The following MTUS1 variants were observed in gnomAD, a reference collection of about 807,000 sequenced individuals.
MTUS1 encodes the protein microtubule-associated tumor suppressor 1.
MTUS1 carries 109 observed loss-of-function variants against 120.8 expected under a neutral mutation model. The ratio of observed to expected loss-of-function variants is 0.90; its 90% CI spans 0.77 to 1.06. The LOEUF is 1.06. Among genes scored for constraint, MTUS1 ranks in the 50% least tolerant of loss-of-function variants. The pLI is 0.00. For synonymous variants in MTUS1, 737 were observed against 550.5 expected, an observed-to-expected ratio of 1.34 and a Z score of -4.74; for missense variants, 2,210 against 1,486.3, an observed-to-expected ratio of 1.49 and a Z score of -8.01.
intron 6 of MTUS1, among the ~76,000 whole-genome samples, chr8:17,691,153 AATTT>A (rs1313605255): frequency 1.3e-5 from 2 of 152,182 alleles, no homozygotes; most frequent in African/African-American, 4.8e-5. Flanking sequence ...TCTAAACCGT[AATTT>A]ATTACTTACT....
intron 1 of MTUS1, among the ~76,000 whole-genome samples, chr8:17,766,079 C>G (rs7461249): frequency 0.98 from 148,558 of 152,324 alleles, 72,551 homozygotes; most frequent in East Asian, 1. Context: ...GCTTAATTGT[C>G]ACTTTAGAGG....
At chr8:17,779,117 C>T (rs940320004) in intron 1 of MTUS1, among the ~76,000 whole-genome samples, 4 of 152,110 alleles carry the variant, frequency 2.6e-5, no homozygotes, top group Admixed American at 2.6e-4. Context: ...CAAGCTTAGA[C>T]CCCAGGAATA....
chr8:17,787,470 TC>T (rs1195651522), intron 1 of MTUS1, among the ~76,000 whole-genome samples: 2 of 152,232 alleles, frequency 1.3e-5, no homozygotes, highest in Non-Finnish European at 2.9e-5. Context: ...TTGATCTATT[TC>T]CACCTTCCTT....
intron 6 of MTUS1, among the ~76,000 whole-genome samples, chr8:17,695,660 T>C (rs1419224373): frequency 6.6e-6 from 1 of 152,190 alleles, no homozygotes; most frequent in Non-Finnish European, 1.5e-5. Context: ...ACTGGTTAAG[T>C]AAATCATGAC....
rs746688476 is a variant in MTUS1, at chr8:17,754,522, G to A, written c.1286C>T (p.Ser429Leu). ...VISTDKTMCMSTPVLEPTKVT... is the reference protein window; with the variant it reads ...VISTDKTMCMLTPVLEPTKVT... ...TTTTGTGGGTTCTAGGACTGGTGTT[G>A]ACATGCACATCGTTTTGTCTGTGCT... Residue 429 changes from serine to leucine, a missense_variant, in exon 2 of 15, where the codon TCA becomes TTA. By Grantham distance (145) the Ser-to-Leu change is moderately radical (BLOSUM62 -2). Coordinates refer to ENST00000693296, the MANE Select transcript of MTUS1 (RefSeq NM_001363059.2). 4 of 1,614,086 alleles carry A rather than the reference G, an allele frequency of 2.5e-6. No homozygotes were observed. The highest frequency in any genetic ancestry group is 2.2e-5 in the East Asian group (1 of 44,890).
chr8:17,661,788 C>T (rs766044167), intron 8 of MTUS1, among the ~76,000 whole-genome samples: 1 of 152,134 alleles, frequency 6.6e-6, no homozygotes, highest in Admixed American at 6.5e-5. Context: ...TCCAAAGCAG[C>T]AGGCCCAGCC....
intron 8 of MTUS1, among the ~76,000 whole-genome samples, chr8:17,665,940 C>T (rs1810805061): frequency 6.6e-6 from 1 of 152,146 alleles, no homozygotes; most frequent in South Asian, 2.1e-4. Context: ...TCTTCCATCT[C>T]CATCTTGGTG....
At chr8:17,662,387 G>A (rs747004337) in intron 8 of MTUS1, among the ~76,000 whole-genome samples, 15 of 122,058 alleles carry the variant, frequency 1.2e-4, no homozygotes, top group East Asian at 2.3e-4. Context: ...ATAGAGTCTC[G>A]CACTGTCACC....
chr8:17,658,591 G>A lies in MTUS1; in HGVS notation c.2906-2526C>T, dbSNP rs934268630. ...TGTCCACATCCCCAGAGTACTCGTGGATTAATACGACAGGGTTGCTGGCAA... is the reference window on the plus strand; with the variant it reads ...TGTCCACATCCCCAGAGTACTCGTGAATTAATACGACAGGGTTGCTGGCAA... On this transcript the variant is annotated intron_variant, in intron 8 of 14. Transcript: ENST00000693296. Among the ~76,000 whole-genome samples, 19 of 152,168 alleles carry A rather than the reference G, an allele frequency of 1.2e-4. No homozygotes were observed. In the East Asian group the frequency reaches 1.5e-3, roughly 12 times the overall value.
At chr8:17,657,288 A>G (rs4921800) in intron 8 of MTUS1, among the ~76,000 whole-genome samples, 114,275 of 151,496 alleles carry the variant, frequency 0.75, 43,175 homozygotes, top group Middle Eastern at 0.87. Flanking sequence ...AGAAGCTGAG[A>G]CCGGGCGCGG....
intron 3 of MTUS1, among the ~76,000 whole-genome samples, chr8:17,729,107 G>C (rs1295823309): frequency 6.6e-6 from 1 of 152,160 alleles, no homozygotes; most frequent in Non-Finnish European, 1.5e-5. Flanking sequence ...CAGAGAATAT[G>C]TCTGTAGCTA....
chr8:17,724,253 GAAAT>G, intron 3 of MTUS1: 1 of 303,380 alleles, frequency 3.3e-6, no homozygotes, highest in Non-Finnish European at 6.4e-6. Flanking sequence ...TATCATATAA[GAAAT>G]AAATAAGAAC....
chr8:17,684,959 C>G (rs905499710), intron 6 of MTUS1, among the ~76,000 whole-genome samples: 2 of 152,110 alleles, frequency 1.3e-5, no homozygotes, highest in African/African-American at 4.8e-5. Context: ...AAATTAAATG[C>G]CTTTCTCTCC....
intron 8 of MTUS1, among the ~76,000 whole-genome samples, chr8:17,664,403 A>G: frequency 6.6e-6 from 1 of 151,372 alleles, no homozygotes; most frequent in East Asian, 1.9e-4. Context: ...CTGCACACAT[A>G]CTCCTTTCCC....
chr8:17,721,964 C>G, intron 4 of MTUS1: 1 of 1,491,666 alleles, frequency 6.7e-7, no homozygotes, highest in South Asian at 1.5e-5. Flanking sequence ...TCATATCCCT[C>G]ATGCTTGCTC....
chr8:17,741,690 G>A (rs912382433), intron 3 of MTUS1, among the ~76,000 whole-genome samples: 14 of 152,242 alleles, frequency 9.2e-5, no homozygotes, highest in African/African-American at 3.4e-4. Context: ...AATGTATCCT[G>A]GGTACTGGCC....
chr8:17,784,904 C>T (rs993157118), intron 1 of MTUS1, among the ~76,000 whole-genome samples: 1 of 152,048 alleles, frequency 6.6e-6, no homozygotes, highest in Non-Finnish European at 1.5e-5. Flanking sequence ...CGGGCCTCAG[C>T]TGCCTGAGTA....
Position 17,715,802 on chromosome 8 carries a change from C to G in MTUS1, c.2549G>C (p.Arg850Thr). Residue 850 changes from arginine (R) to threonine (T), a missense_variant, in exon 5 of 15, where the codon AGG becomes ACG. Coordinates refer to ENST00000693296, the MANE Select transcript of MTUS1 (RefSeq NM_001363059.2). ...AGTTTTCATCAAGTGAACATGAGCCCTGGATACCAAAGGCTTCAAATAAAA... is the reference window on the plus strand; with the variant it reads ...AGTTTTCATCAAGTGAACATGAGCCGTGGATACCAAAGGCTTCAAATAAAA... ...GSFYLKPLVS[R>T]AHVHLMKTPP... 1 of 1,613,938 alleles carries G rather than the reference C, an allele frequency of 6.2e-7. No individual in the cohort carries two copies. The highest frequency in any genetic ancestry group is 8.5e-7 in the Non-Finnish European group (1 of 1,179,956).
intron 7 of MTUS1, among the ~76,000 whole-genome samples, chr8:17,680,932 GCTTT>G (rs1217607216): frequency 4.0e-5 from 6 of 150,942 alleles, no homozygotes; most frequent in African/African-American, 7.3e-5. Flanking sequence ...CATTTAATTT[GCTTT>G]TTTTCTTTTT....
Sources: allele counts gnomAD v4.1 joint callset (sites outside exome capture counted in the v4.1 genomes callset), GRCh38; gene constraint gnomAD v4.1.1; transcripts MANE v1.5; gene names NCBI Gene and HGNC (gene_info 2026-07-23, HGNC 2026-07-21).